Variants in CHRNA7 observed in about 807,000 individuals in gnomAD.
CHRNA7 encodes neuronal acetylcholine receptor subunit alpha-7.
A neutral mutation model predicts 48.0 loss-of-function variants in CHRNA7; 17 were observed. That is an observed-to-expected ratio of 0.35 (90% CI 0.24 to 0.53). The LOEUF (loss-of-function observed/expected upper bound fraction) is 0.53, where lower values mean the gene tolerates loss of function less well. CHRNA7 is among the 20% of genes least tolerant of loss of function. The probability of loss-of-function intolerance (pLI) is 0.92; values close to 1 mark genes in which losing one functional copy is unlikely to be tolerated. For missense variants in CHRNA7, 155 were observed against 577.7 expected, an observed-to-expected ratio of 0.27 and a Z score of 7.50; for synonymous variants, 75 against 242.3, an observed-to-expected ratio of 0.31 and a Z score of 6.41.
chr15:32,135,228 C>A (rs1490993689), intron 4 of CHRNA7, among the ~76,000 whole-genome samples: 1 of 152,118 alleles, frequency 6.6e-6, no homozygotes, highest in Non-Finnish European at 1.5e-5. Context: ...TAATAAATTG[C>A]ATGTGGGAGA....
At chr15:32,084,189 G>C (rs141014421) in intron 2 of CHRNA7, among the ~76,000 whole-genome samples, 2 of 152,310 alleles carry the variant, frequency 1.3e-5, no homozygotes, top group Middle Eastern at 3.4e-3. Context: ...AAACAAACAT[G>C]TTGGAAAACT....
At chr15:32,117,258 G>C (rs2050889135) in intron 4 of CHRNA7, among the ~76,000 whole-genome samples, 1 of 152,226 alleles carries the variant, frequency 6.6e-6, no homozygotes, top group Non-Finnish European at 1.5e-5. Flanking sequence ...TCTCAGCCTT[G>C]TTCTGAGGAA....
At chr15:32,114,275 G>A (rs2050830184) in intron 4 of CHRNA7, among the ~76,000 whole-genome samples, 1 of 151,894 alleles carries the variant, frequency 6.6e-6, no homozygotes, top group African/African-American at 2.4e-5. Context: ...TAAAATGTTT[G>A]ATGATTCCAA....
intron 4 of CHRNA7, among the ~76,000 whole-genome samples, chr15:32,121,060 G>C (rs1202052557): frequency 3.9e-5 from 6 of 152,204 alleles, no homozygotes; most frequent in Non-Finnish European, 7.4e-5. Context: ...AGGAGACTTA[G>C]GAAGTTGTGT....
At chr15:32,152,170 C>A (rs992698387) in intron 4 of CHRNA7, among the ~76,000 whole-genome samples, 1 of 152,116 alleles carries the variant, frequency 6.6e-6, no homozygotes, top group Non-Finnish European at 1.5e-5. Context: ...ACAGGCTAGG[C>A]GCGGTGGCTC....
intron 3 of CHRNA7, among the ~76,000 whole-genome samples, chr15:32,110,454 T>A (rs2050744772): frequency 1.3e-5 from 2 of 152,202 alleles, no homozygotes; most frequent in Admixed American, 1.3e-4. Context: ...ACATCCTCAT[T>A]CCTGGAGGTC....
chr15:32,103,770 G>A (rs1320660668), intron 3 of CHRNA7, among the ~76,000 whole-genome samples: 1 of 152,118 alleles, frequency 6.6e-6, no homozygotes, highest in African/African-American at 2.4e-5. Flanking sequence ...TCTCACTCTT[G>A]TCTCTCCCAC....
At chr15:32,150,743 C>T (rs541205994) in intron 4 of CHRNA7, among the ~76,000 whole-genome samples, 1 of 152,144 alleles carries the variant, frequency 6.6e-6, no homozygotes, top group Non-Finnish European at 1.5e-5. Context: ...CATAGGGTCT[C>T]AGGGCTCCAG....
chr15:32,147,047 A>G (rs2051503446), intron 4 of CHRNA7, among the ~76,000 whole-genome samples: 1 of 152,248 alleles, frequency 6.6e-6, no homozygotes, highest in Admixed American at 6.5e-5. Flanking sequence ...GAAACTGGAT[A>G]TCTGCTGTGT....
chr15:32,037,731 G>A (rs926368689), intron 2 of CHRNA7, among the ~76,000 whole-genome samples: 10 of 151,900 alleles, frequency 6.6e-5, no homozygotes, highest in African/African-American at 2.4e-4. Context: ...ATAGGAAAGC[G>A]ATTTACTTTT....
intron 2 of CHRNA7, among the ~76,000 whole-genome samples, chr15:32,052,241 TGGAG>T (rs1211310248): frequency 6.6e-6 from 1 of 151,040 alleles, no homozygotes; most frequent in African/African-American, 2.4e-5. Flanking sequence ...TTGTTCTCAC[TGGAG>T]AGTTGATGAG....
chr15:32,056,095 C>T (rs750642955), intron 2 of CHRNA7, among the ~76,000 whole-genome samples: 3 of 152,006 alleles, frequency 2.0e-5, no homozygotes, highest in Non-Finnish European at 2.9e-5. Context: ...TGTAAACTTT[C>T]AATTGAAGTA....
intron 2 of CHRNA7, among the ~76,000 whole-genome samples, chr15:32,063,324 G>A (rs1298675815): frequency 2.0e-5 from 3 of 152,102 alleles, no homozygotes; most frequent in Admixed American, 6.5e-5. Context: ...AATCCTATGG[G>A]ACCACTTTCA....
intron 2 of CHRNA7, among the ~76,000 whole-genome samples, chr15:32,055,218 A>G (rs1186297165): frequency 7.0e-6 from 1 of 143,226 alleles, no homozygotes. Flanking sequence ...TCTCTTTACT[A>G]TTTCTCTCTC....
chr15:32,082,474 A>C (rs1442877497), intron 2 of CHRNA7, among the ~76,000 whole-genome samples: 1 of 152,160 alleles, frequency 6.6e-6, no homozygotes, highest in African/African-American at 2.4e-5. Context: ...GTTATATGTA[A>C]GATGAGAATG....
rs2049960278 is a variant in CHRNA7 at position 32,066,021 on chromosome 15, C to T, written c.195+34984C>T. Among the ~76,000 whole-genome samples the T allele has an allele frequency of 2.0e-5, 3 of 152,254 alleles. No individual in the cohort carries two copies. In the South Asian group the frequency reaches 6.2e-4, roughly 31 times the overall value. Reference sequence around the variant, plus strand: ...CACTGGGGACAGAGCTGTCAGCTGCCTGGCTGTGCCGAAGATGTGCTCCAG... The same window carrying T: ...CACTGGGGACAGAGCTGTCAGCTGCTTGGCTGTGCCGAAGATGTGCTCCAG... On this transcript the variant is annotated intron_variant, in intron 2 of 9. Coordinates refer to ENST00000306901, the MANE Select transcript of CHRNA7 (RefSeq NM_000746.6).
intron 4 of CHRNA7, among the ~76,000 whole-genome samples, chr15:32,146,174 AG>A (rs1437678924): frequency 6.6e-6 from 1 of 152,242 alleles, no homozygotes; most frequent in Non-Finnish European, 1.5e-5. Flanking sequence ...CTTTCAAAAA[AG>A]TCCATTAATA....
At chr15:32,093,296 A>T (rs1302823131) in intron 2 of CHRNA7, among the ~76,000 whole-genome samples, 1 of 152,156 alleles carries the variant, frequency 6.6e-6, no homozygotes, top group Non-Finnish European at 1.5e-5. Flanking sequence ...TCCAGGCTTC[A>T]TTCCCCAAGA....
chr15:32,041,612 T>G (rs1340970357), intron 2 of CHRNA7, among the ~76,000 whole-genome samples: 3 of 152,196 alleles, frequency 2.0e-5, no homozygotes. Flanking sequence ...CTCTACTTCT[T>G]CTCCTTCTCG....
Sources: allele counts gnomAD v4.1 joint callset (sites outside exome capture counted in the v4.1 genomes callset), GRCh38; gene constraint gnomAD v4.1.1; transcripts MANE v1.5; gene names NCBI Gene and HGNC (gene_info 2026-07-23, HGNC 2026-07-21).